Variants in PHF3 observed in about 807,000 individuals in gnomAD.
PHF3 encodes PHD finger protein 3.
In PHF3, 41 loss-of-function variants were observed where a neutral mutation model predicts 178.4. That is an observed-to-expected ratio of 0.23 (90% confidence interval 0.18 to 0.30). The LOEUF is 0.30. Among genes scored for constraint, PHF3 ranks in the 10% least tolerant of loss-of-function variants. The pLI is 1.00. For synonymous variants in PHF3, 842 were observed against 800.5 expected, an observed-to-expected ratio of 1.05 and a Z score of -0.88; for missense variants, 2,346 against 2,398.1, an observed-to-expected ratio of 0.98 and a Z score of 0.45.
chr6:63,717,339 A>G lies in PHF3; in HGVS notation c.*3631A>G, dbSNP rs145875574. Among the ~76,000 whole-genome samples the G allele has an allele frequency of 3.5e-4, 53 of 152,188 alleles. No homozygotes were observed. Among genetic ancestry groups the G allele is most frequent in the Middle Eastern group, 6.8e-3 (2 of 294 alleles). ...AAACAGTATTTTAACATTTGGATAT[A>G]CTAGTTGTACTATGCTTATCTCAGA... is the stretch of plus-strand genomic sequence containing the variant. On this transcript the variant is annotated 3_prime_UTR_variant, in exon 16 of 16. Coordinates refer to ENST00000262043, the MANE Select transcript of PHF3 (RefSeq NM_001370348.2).
At chr6:63,687,901 A>G (rs776908154) in intron 4 of PHF3, among the ~76,000 whole-genome samples, 1 of 152,110 alleles carries the variant, frequency 6.6e-6, no homozygotes, top group Non-Finnish European at 1.5e-5. Flanking sequence ...TTGGGTTTAC[A>G]CTCTGTAATT....
chr6:63,685,291 T>C lies in PHF3; in HGVS notation c.1569T>C (p.Val523=), dbSNP rs1766636976. ...KYEVIHSKTK[V]NVKSVKRNTD... is the part of the protein sequence containing the mutation. ...AAGTAATACATAGCAAAACTAAAGT[T>C]AATGTCAAAAGTGTGAAACGAAATA... Residue 523 remains valine (V), a synonymous_variant, in exon 4 of 16, where the codon GTT becomes GTC. Coordinates refer to ENST00000262043, the MANE Select transcript of PHF3 (RefSeq NM_001370348.2). 2 of 1,614,026 alleles carry C rather than the reference T, an allele frequency of 1.2e-6. No homozygotes were observed. Among genetic ancestry groups the C allele is most frequent in the Non-Finnish European group, 1.7e-6 (2 of 1,179,976 alleles).
chr6:63,711,526 T>C, intron 15 of PHF3, 60 bp from the exon 16 acceptor site: 1 of 1,473,600 alleles, frequency 6.8e-7, no homozygotes, highest in African/African-American at 1.4e-5. Context: ...AGGCAGAATT[T>C]TACCTTTTTT....
intron 2 of PHF3, among the ~76,000 whole-genome samples, chr6:63,656,711 A>C (rs112721564): frequency 6.6e-6 from 1 of 152,072 alleles, no homozygotes; most frequent in African/African-American, 2.4e-5. Flanking sequence ...TTTTTTATCT[A>C]TACCCTCTTT....
rs1170045396 is a variant in PHF3 at position 63,713,831 on chromosome 6, A to G, written c.*123A>G. The G allele has an allele frequency of 3.9e-6, 3 of 769,338 alleles. No individual in the cohort carries two copies. The highest frequency in any genetic ancestry group is 6.1e-6 in the Non-Finnish European group (3 of 488,376). The allele number at this position is 769,338 out of a possible 1,614,324, so 47.7% of individuals were successfully genotyped here. ...AAAATTTTTACTATTGGTCATTTGC[A>G]GAACAGTAAATTCTGTGTGTTGGTA... On this transcript the variant is annotated 3_prime_UTR_variant, in exon 16 of 16. Coordinates refer to ENST00000262043, the MANE Select transcript of PHF3 (RefSeq NM_001370348.2).
Position 63,725,142 on chromosome 6 carries a change from A to G in PHF3, c.*11434A>G, listed in dbSNP as rs951543206. ...TTAAAAATTTTCATGATTTTCTTAT[A>G]TAAGTGTCAAATGCAGCATCAATCG... is the stretch of plus-strand genomic sequence containing the variant. On this transcript the variant is annotated 3_prime_UTR_variant, in exon 16 of 16. Coordinates refer to ENST00000262043, the MANE Select transcript of PHF3 (RefSeq NM_001370348.2). 1.3e-5 allele frequency among the ~76,000 whole-genome samples: 2 copies of G among 152,144 alleles called. No individual in the cohort carries two copies. The highest frequency in any genetic ancestry group is 2.9e-5 in the Non-Finnish European group (2 of 67,978).
chr6:63,682,949 A>T (rs1766503587), intron 3 of PHF3, among the ~76,000 whole-genome samples: 1 of 152,066 alleles, frequency 6.6e-6, no homozygotes, highest in Non-Finnish European at 1.5e-5. Context: ...TCTGTCTTTA[A>T]AGCTTTAAAG....
chr6:63,654,781 G>C (rs190531098), intron 2 of PHF3, among the ~76,000 whole-genome samples: 1 of 152,184 alleles, frequency 6.6e-6, no homozygotes, highest in Admixed American at 6.5e-5. Flanking sequence ...TGGAATAATA[G>C]GTTCCCTGGC....
intron 2 of PHF3, among the ~76,000 whole-genome samples, chr6:63,654,875 T>A (rs1008970919): frequency 6.6e-6 from 1 of 150,746 alleles, no homozygotes; most frequent in Non-Finnish European, 1.5e-5. Context: ...AGATAGTTAT[T>A]TGTATTAGGT....
intron 4 of PHF3, among the ~76,000 whole-genome samples, chr6:63,688,648 A>G (rs1021305641): frequency 2.6e-5 from 4 of 151,936 alleles, no homozygotes; most frequent in Admixed American, 6.6e-5. Context: ...TGTTGTTTTT[A>G]CATATTAACT....
chr6:63,725,137 C>G lies in PHF3; in HGVS notation c.*11429C>G, dbSNP rs1027021336. Among the ~76,000 whole-genome samples, 2 of 151,968 alleles carry G rather than the reference C, an allele frequency of 1.3e-5. No homozygotes were observed. The highest frequency in any genetic ancestry group is 2.9e-5 in the Non-Finnish European group (2 of 67,918). ...AATATTTAAAAATTTTCATGATTTT[C>G]TTATATAAGTGTCAAATGCAGCATC... On this transcript the variant is annotated 3_prime_UTR_variant, in exon 16 of 16. Coordinates refer to ENST00000262043, the MANE Select transcript of PHF3 (RefSeq NM_001370348.2).
At chr6:63,669,749 G>A (rs1057004257) in intron 2 of PHF3, among the ~76,000 whole-genome samples, 1 of 152,162 alleles carries the variant, frequency 6.6e-6, no homozygotes, top group Non-Finnish European at 1.5e-5. Flanking sequence ...CTGTTCATAA[G>A]AGGCCAGAGA....
chr6:63,692,175 G>C, intron 5 of PHF3, 132 bp downstream of exon 5: 1 of 706,264 alleles, frequency 1.4e-6, no homozygotes, highest in South Asian at 2.2e-5. Context: ...TTCCATGAAA[G>C]TGAATAGGTT....
chr6:63,653,613 T>G (rs1362027424), intron 2 of PHF3, among the ~76,000 whole-genome samples: 1 of 152,190 alleles, frequency 6.6e-6, no homozygotes, highest in Admixed American at 6.5e-5. Context: ...TCCTTTCCAA[T>G]TTGGATGTCC....
In PHF3 at chr6:63,723,881, G is replaced by C. The variant is rs1409793083; in HGVS notation, c.*10173G>C. ...CTGTCCCCCAAGCTGGAGTGCAATG[G>C]TGCAATCTCGGCTCACTGCAACCTC... On this transcript the variant is annotated 3_prime_UTR_variant, in exon 16 of 16. Transcript: ENST00000262043. Among the ~76,000 whole-genome samples, 1 of 151,116 alleles carries C rather than the reference G, an allele frequency of 6.6e-6. No homozygotes were observed. The highest frequency in any genetic ancestry group is 1.9e-4 in the East Asian group (1 of 5,154).
At chr6:63,645,986 CA>C (rs200597978) in intron 1 of PHF3, among the ~76,000 whole-genome samples, 1,641 of 152,160 alleles carry the variant, frequency 0.011, 13 homozygotes, top group Non-Finnish European at 0.016. Flanking sequence ...TCTTCCCCCA[CA>C]ATAAAAGCCC....
At position 63,684,224 on chromosome 6, in the gene PHF3, A is replaced by G. The variant is rs1383092043; in HGVS notation, c.502A>G (p.Thr168Ala). 5.0e-6 allele frequency: 8 copies of G among 1,613,914 alleles called. No individual in the cohort carries two copies. The East Asian group carries it at 1.1e-4, about 22-fold the overall frequency. ...TKKASGKTVS[T>A]AKAGVKQPER... ...AAAAGCATCTGGGAAGACTGTATCT[A>G]CTGCTAAAGCAGGAGTGAAACAACC... is the stretch of plus-strand genomic sequence containing the variant. The change falls in exon 4 of 16, where the codon ACT becomes GCT. Residue 168 changes from threonine (T) to alanine (A), a missense_variant. Around this residue, in one of 8 missense-constraint regions of PHF3, gnomAD observed 843 missense variants for 795.2 expected, o/e 1.06. Transcript: ENST00000262043.
At chr6:63,689,419 C>T (rs1374092649) in intron 4 of PHF3, among the ~76,000 whole-genome samples, 1 of 152,072 alleles carries the variant, frequency 6.6e-6, no homozygotes, top group Non-Finnish European at 1.5e-5. Context: ...TTATAGCTTT[C>T]AAACAAGAAA....
At chr6:63,663,272 A>G (rs1223630706) in intron 2 of PHF3, among the ~76,000 whole-genome samples, 3 of 152,164 alleles carry the variant, frequency 2.0e-5, no homozygotes, top group African/African-American at 7.2e-5. Flanking sequence ...AGACTGGCTA[A>G]TTTATAGTGG....
Sources: allele counts gnomAD v4.1 joint callset (sites outside exome capture counted in the v4.1 genomes callset), GRCh38; gene constraint gnomAD v4.1.1; regional missense constraint gnomAD v4.1.1; transcripts MANE v1.5; gene names NCBI Gene and HGNC (gene_info 2026-07-23, HGNC 2026-07-21).